The following PLEKHA7 variants were observed in gnomAD, a reference collection of about 807,000 sequenced individuals.
PLEKHA7 encodes the protein pleckstrin homology domain containing A7.
A neutral mutation model predicts 170.0 loss-of-function variants in PLEKHA7; 104 were observed. The ratio of observed to expected loss-of-function variants is 0.61; its 90% CI spans 0.52 to 0.72. The LOEUF is 0.72. Among genes scored for constraint, PLEKHA7 ranks in the 30% least tolerant of loss-of-function variants. PLEKHA7 has a pLI of 0.00. For synonymous variants in PLEKHA7, 648 were observed against 660.8 expected (o/e 0.98, Z 0.30); for missense variants, 1,615 against 1,671.7 (o/e 0.97, Z 0.59).
chr11:16,993,170 G>T (rs914576188), intron 3 of PLEKHA7, among the ~76,000 whole-genome samples: 1 of 152,136 alleles, frequency 6.6e-6, no homozygotes, highest in Non-Finnish European at 1.5e-5. Context: ...GCAGGTAAAT[G>T]ATCAGCCATA....
intron 13 of PLEKHA7, chr11:16,807,169 G>T: frequency 8.1e-6 from 8 of 985,554 alleles, no homozygotes; most frequent in Non-Finnish European, 9.6e-6. Flanking sequence ...ACAGCCCCGT[G>T]CTGACTTCTT....
intron 4 of PLEKHA7, among the ~76,000 whole-genome samples, chr11:16,857,384 C>G (rs1449282955): frequency 1.3e-5 from 2 of 152,352 alleles, no homozygotes; most frequent in East Asian, 3.9e-4. Context: ...TTCCACACCC[C>G]CAGCCTCCAA....
chr11:16,807,112 C>CCCG, intron 13 of PLEKHA7: 5 of 961,830 alleles, frequency 5.2e-6, no homozygotes, highest in Non-Finnish European at 6.2e-6. Flanking sequence ...ATGGAATGAC[C>CCCG]CCGCTTGGAG....
intron 3 of PLEKHA7, among the ~76,000 whole-genome samples, chr11:17,007,988 G>A (rs1242791776): frequency 6.6e-6 from 1 of 152,102 alleles, no homozygotes; most frequent in African/African-American, 2.4e-5. Flanking sequence ...TTTCAATAAG[G>A]AGCCTTGCAT....
intron 13 of PLEKHA7, among the ~76,000 whole-genome samples, chr11:16,809,783 T>C (rs1324259800): frequency 1.3e-5 from 2 of 152,210 alleles, no homozygotes; most frequent in Non-Finnish European, 2.9e-5. Context: ...TATCTACTTG[T>C]AGCTGCCATC....
Position 16,783,698 on chromosome 11 carries a change from A to G in PLEKHA7, c.3650+2T>C. Reference sequence around the variant, plus strand: ...CCAACACTTGAGCAAGCGAGGGCTGACCTTGACCGGGCGAGGATGTTGCGG... The same window carrying G: ...CCAACACTTGAGCAAGCGAGGGCTGGCCTTGACCGGGCGAGGATGTTGCGG... On this transcript the variant is annotated splice_donor_variant, in intron 25 of 26. Transcript: ENST00000531066. LOFTEE classifies it high-confidence loss of function. 2.1e-6 allele frequency: 3 copies of G among 1,445,126 alleles called. No individual in the cohort carries two copies. Among genetic ancestry groups the G allele is most frequent in the Non-Finnish European group, 2.7e-6 (3 of 1,100,218 alleles). The allele number at this position is 1,445,126 out of a possible 1,614,324, so 89.5% of individuals were successfully genotyped here. A position where few individuals can be genotyped will look rare whatever the true frequency, so the allele number is the denominator to read the frequency against.
In PLEKHA7 at chr11:16,852,339, C is replaced by T. The variant is rs1262787470; in HGVS notation, c.539G>A (p.Arg180Lys). 1.9e-6 allele frequency: 3 copies of T among 1,613,928 alleles called. No individual in the cohort carries two copies. The highest frequency in any genetic ancestry group is 4.5e-5 in the East Asian group (2 of 44,886). The change falls in exon 7 of 27, where the codon AGG becomes AAG. Residue 180 changes from arginine (R) to lysine (K), a missense_variant. Arg to Lys is a conservative substitution (Grantham distance 26). Coordinates refer to ENST00000531066, the MANE Select transcript of PLEKHA7 (RefSeq NM_001329630.2). ...WLHKQDSSGM[R>K]LWKRRWFVLA... ...CACAAACCACCTCCTTTTCCACAGC[C>T]TCATCCCAGAACTGTCCTGCAAAGC...
intron 3 of PLEKHA7, among the ~76,000 whole-genome samples, chr11:16,913,052 C>T (rs994047832): frequency 2.0e-5 from 3 of 152,150 alleles, no homozygotes; most frequent in Admixed American, 6.5e-5. Context: ...TGGTAGAGGG[C>T]ACAGCTGCTT....
Position 16,778,610 on chromosome 11 carries a change from C to G in PLEKHA7, c.*388G>C, listed in dbSNP as rs1332989291. On this transcript the variant is annotated 3_prime_UTR_variant, in exon 27 of 27. Coordinates refer to ENST00000531066, the MANE Select transcript of PLEKHA7 (RefSeq NM_001329630.2). Reference sequence around the variant, plus strand: ...GGAAGTTGGACTAGCCTCGGCTTGCCCCGCCCTTCCTGCCCCCACAACACC... The same window carrying G: ...GGAAGTTGGACTAGCCTCGGCTTGCGCCGCCCTTCCTGCCCCCACAACACC... 1 of 269,122 alleles carries G rather than the reference C, an allele frequency of 3.7e-6. No homozygotes were observed. The highest frequency in any genetic ancestry group is 8.6e-5 in the East Asian group (1 of 11,638). The allele number at this position is 269,122 out of a possible 1,614,324, so 16.7% of individuals were successfully genotyped here.
At chr11:16,828,062 C>T (rs1209987384) in intron 9 of PLEKHA7, among the ~76,000 whole-genome samples, 4 of 152,188 alleles carry the variant, frequency 2.6e-5, no homozygotes, top group South Asian at 2.1e-4. Flanking sequence ...GCCAACATAA[C>T]GTGAAAATAC....
chr11:16,850,652 C>A (rs554391104), intron 8 of PLEKHA7, among the ~76,000 whole-genome samples: 8 of 152,288 alleles, frequency 5.3e-5, no homozygotes, highest in African/African-American at 1.9e-4. Flanking sequence ...AGACACAGAC[C>A]AAGTAGGAAA....
intron 15 of PLEKHA7, 102 bp from the exon 16 acceptor site, chr11:16,801,919 G>C (rs1200743521): frequency 4.2e-6 from 6 of 1,427,176 alleles, no homozygotes; most frequent in African/African-American, 1.4e-5. Context: ...AACCAAGGCC[G>C]AAGGGATCAG....
chr11:17,013,899 G>A lies in PLEKHA7; in HGVS notation c.221+90C>T, dbSNP rs1185563469. On this transcript the variant is annotated intron_variant, in intron 3 of 26. Transcript: ENST00000531066. ...CGCGCCAACGAGCCCGGGCCGGCGG[G>A]AGCAGAGGAAGGGCGGGGCGCCCGG... 3.6e-6 allele frequency: 5 copies of A among 1,383,504 alleles called. No homozygotes were observed. In the East Asian group the frequency reaches 1.2e-4, roughly 34 times the overall value. 85.7% of individuals were successfully genotyped at this position (1,383,504 alleles called of 1,614,324 possible).
Position 16,817,508 on chromosome 11 carries a change from A to AT in PLEKHA7, c.1344-187dup. 1.8e-6 allele frequency: 1 copy of AT among 546,240 alleles called. No individual in the cohort carries two copies. The highest frequency in any genetic ancestry group is 3.1e-6 in the Non-Finnish European group (1 of 325,512). The allele number at this position is 546,240 out of a possible 1,614,324, so 33.8% of individuals were successfully genotyped here. A position where few individuals can be genotyped will look rare whatever the true frequency, so the allele number is the denominator to read the frequency against. ...CCTTTTGGCAGACGACTCCAAAACC[A>AT]TTTTTCTCTGTCAACTTCCTCTGCC... On this transcript the variant is annotated intron_variant, in intron 10 of 26. Coordinates refer to ENST00000531066, the MANE Select transcript of PLEKHA7 (RefSeq NM_001329630.2). The surrounding 1 kb of genome is among the most constrained non-coding windows in gnomAD (Gnocchi z 4.4).
In PLEKHA7 at chr11:16,788,841, G is replaced by T. The variant is rs180926189; in HGVS notation, c.3357+255C>A. On this transcript the variant is annotated intron_variant, in intron 23 of 26. Transcript: ENST00000531066. ...GCAAAGGCCCCTCTCCATCGCGGCT[G>T]GGAGGACTGACTGGGTATTTCCTCA... 8.8e-6 allele frequency: 5 copies of T among 568,922 alleles called. No individual in the cohort carries two copies. In the Admixed American group the frequency reaches 9.3e-5, roughly 11 times the overall value. The allele number at this position is 568,922 out of a possible 1,614,324, so 35.2% of individuals were successfully genotyped here.
At chr11:16,997,253 T>G (rs1183605160) in intron 3 of PLEKHA7, among the ~76,000 whole-genome samples, 1 of 152,156 alleles carries the variant, frequency 6.6e-6, no homozygotes, top group Non-Finnish European at 1.5e-5. Flanking sequence ...CACCCCATAG[T>G]CTACCTCCTC....
rs1486542356 is a variant in PLEKHA7 at position 16,786,403 on chromosome 11, G to A, written c.3358-16C>T. 4.6e-6 allele frequency: 7 copies of A among 1,535,964 alleles called. No individual in the cohort carries two copies. The Admixed American group carries it at 7.8e-5, about 17-fold the overall frequency. On this transcript the variant is annotated splice_polypyrimidine_tract_variant and intron_variant, in intron 23 of 26. Transcript: ENST00000531066. ...CACGCTTCCACTGGCAACAGAACAA[G>A]AGGTTAAACGTAGTCGCTTCCTGAT...
chr11:16,990,171 A>C (rs1863946348), intron 3 of PLEKHA7, among the ~76,000 whole-genome samples: 1 of 151,496 alleles, frequency 6.6e-6, no homozygotes, highest in Non-Finnish European at 1.5e-5. Flanking sequence ...CTCTCAAAAA[A>C]ATAAAAATAA....
At chr11:16,888,891 C>A in intron 3 of PLEKHA7, among the ~76,000 whole-genome samples, 1 of 101,642 alleles carries the variant, frequency 9.8e-6, no homozygotes, top group South Asian at 3.3e-4. Context: ...AAACAAAATT[C>A]AAGAGGGGGA....
Sources: allele counts gnomAD v4.1 joint callset (sites outside exome capture counted in the v4.1 genomes callset), GRCh38; gene constraint gnomAD v4.1.1; non-coding constraint Gnocchi (gnomAD v3.1); transcripts MANE v1.5; gene names NCBI Gene and HGNC (gene_info 2026-07-23, HGNC 2026-07-21).